Variants in OR7C1 observed in about 807,000 individuals in gnomAD.
The protein encoded by OR7C1 is olfactory receptor family 7 subfamily C member 1, also known as olfactory receptor 7C1.
For synonymous variants in OR7C1, 152 were observed against 160.7 expected (o/e 0.95, Z 0.41); for missense variants, 324 against 383.3 (o/e 0.85, Z 1.29).
chr19:14,800,768 G>C lies in OR7C1; in HGVS notation c.-434-4C>G, dbSNP rs1483973011. 1.3e-5 allele frequency: 2 copies of C among 152,210 alleles called. No homozygotes were observed. Among genetic ancestry groups the C allele is most frequent in the Non-Finnish European group, 2.9e-5 (2 of 68,078 alleles). The allele number at this position is 152,210 out of a possible 1,614,324, so 9.4% of individuals were successfully genotyped here. A position where few individuals can be genotyped will look rare whatever the true frequency, so the allele number is the denominator to read the frequency against. On this transcript the variant is annotated splice_polypyrimidine_tract_variant and splice_region_variant and intron_variant, in intron 2 of 4. Coordinates refer to ENST00000641666, the Ensembl canonical transcript of OR7C1. ...CAGACAAGATGGCGCAGATCAACTG[G>C]AAAGTCCAATTGCAAAGTAAGATTA...
At chr19:14,815,784 CGTGTGTGT>C (rs34655691) in intron 1 of OR7C1, among the ~76,000 whole-genome samples, 28 of 146,722 alleles carry the variant, frequency 1.9e-4, no homozygotes, top group South Asian at 1.1e-3. Context: ...TGAGTTTGTG[CGTGTGTGT>C]GTGTGTGTGT....
rs375884141 is a variant in OR7C1, at chr19:14,834,612, A to G, written c.-623+462T>C. 7.9e-5 allele frequency among the ~76,000 whole-genome samples: 12 copies of G among 152,346 alleles called. No individual in the cohort carries two copies. The East Asian group carries it at 1.5e-3, about 20-fold the overall frequency. ...ACGCATTATGAACTGCTGTTGCAAA[A>G]TGGTATTTGCAAGCAATCCGTTCAT... On this transcript the variant is annotated intron_variant, in intron 1 of 4. Coordinates refer to ENST00000641666, the Ensembl canonical transcript of OR7C1.
At chr19:14,802,922 C>T (rs1230656732) in intron 2 of OR7C1, among the ~76,000 whole-genome samples, 4 of 152,084 alleles carry the variant, frequency 2.6e-5, no homozygotes, top group African/African-American at 7.2e-5. Flanking sequence ...GAAAGGAGAA[C>T]GTGCCTGAGT....
At position 14,804,472 on chromosome 19, in the gene OR7C1, A is replaced by G. The variant is rs10426371; in HGVS notation, c.-434-3708T>C. On this transcript the variant is annotated intron_variant, in intron 2 of 4. Coordinates refer to ENST00000641666, the Ensembl canonical transcript of OR7C1. ...ATTTGATTTCCAGAGTCGCCACACT[A>G]TAATATTCAAAATATTTAGTTGTAA... Among the ~76,000 whole-genome samples, 487 of 150,294 alleles carry G rather than the reference A, an allele frequency of 3.2e-3. 13 individuals are homozygous for G. Among genetic ancestry groups the G allele is most frequent in the African/African-American group, 0.012 (462 of 39,722 alleles).
chr19:14,803,229 A>T (rs112461247), intron 2 of OR7C1, among the ~76,000 whole-genome samples: 30 of 149,590 alleles, frequency 2.0e-4, no homozygotes, highest in African/African-American at 7.2e-4. Flanking sequence ...GTCACTTGAA[A>T]CTGGGAGATG....
chr19:14,821,988 A>T (rs2145069396), intron 1 of OR7C1, among the ~76,000 whole-genome samples: 1 of 152,340 alleles, frequency 6.6e-6, no homozygotes, highest in Middle Eastern at 3.4e-3. Context: ...TTATCATTTA[A>T]TGTAATGTCC....
intron 1 of OR7C1, among the ~76,000 whole-genome samples, chr19:14,828,533 G>A (rs1219512972): frequency 6.6e-6 from 1 of 152,022 alleles, no homozygotes; most frequent in Non-Finnish European, 1.5e-5. Flanking sequence ...GGTCAAAGCA[G>A]GCGGATCACG....
chr19:14,799,102 A>G, exon 5 of OR7C1: 2 of 1,505,838 alleles, frequency 1.3e-6, no homozygotes, highest in East Asian at 4.5e-5. Context: ...CAGAACTAAA[A>G]GAGAATACAT....
At chr19:14,811,576 A>C (rs550328805) in intron 1 of OR7C1, among the ~76,000 whole-genome samples, 3 of 151,822 alleles carry the variant, frequency 2.0e-5, no homozygotes, top group Non-Finnish European at 4.4e-5. Flanking sequence ...ATGTGAGCTT[A>C]TCCTTTAGGG....
intron 1 of OR7C1, among the ~76,000 whole-genome samples, chr19:14,818,816 T>G (rs1333283670): frequency 6.6e-6 from 1 of 152,242 alleles, no homozygotes; most frequent in Non-Finnish European, 1.5e-5. Flanking sequence ...TGTTGCATTT[T>G]AGATAGTTTA....
intron 2 of OR7C1, among the ~76,000 whole-genome samples, chr19:14,806,996 C>T (rs1367328865): frequency 2.0e-5 from 3 of 151,924 alleles, no homozygotes; most frequent in Admixed American, 2.0e-4. Context: ...TATAGGTTAC[C>T]ACCAACAGTG....
At chr19:14,831,629 G>A (rs1458315818) in intron 1 of OR7C1, among the ~76,000 whole-genome samples, 2 of 152,024 alleles carry the variant, frequency 1.3e-5, no homozygotes, top group Non-Finnish European at 2.9e-5. Flanking sequence ...ATTTTTAGTA[G>A]AGATGGGGTT....
intron 1 of OR7C1, among the ~76,000 whole-genome samples, chr19:14,828,554 G>A (rs776343881): frequency 5.5e-4 from 84 of 151,896 alleles, no homozygotes; most frequent in Non-Finnish European, 9.4e-4. Flanking sequence ...AGGTCAAGAG[G>A]TTGAGACCAT....
At chr19:14,809,359 G>T (rs2044680344) in intron 2 of OR7C1, among the ~76,000 whole-genome samples, 1 of 152,058 alleles carries the variant, frequency 6.6e-6, no homozygotes, top group South Asian at 2.1e-4. Flanking sequence ...GTAAAGGAAG[G>T]TCAGATCCGG....
chr19:14,826,782 A>T (rs574148934), intron 1 of OR7C1: 1 of 152,578 alleles, frequency 6.6e-6, no homozygotes, highest in East Asian at 1.9e-4. Flanking sequence ...TGACAAAGAC[A>T]TGATGTCCTA....
intron 1 of OR7C1, among the ~76,000 whole-genome samples, chr19:14,833,383 G>T (rs1047055590): frequency 2.0e-5 from 3 of 152,242 alleles, no homozygotes; most frequent in Non-Finnish European, 4.4e-5. Flanking sequence ...GGAGGCTGAG[G>T]TGGGAGAATC....
chr19:14,827,404 C>T (rs775069458), intron 1 of OR7C1: 1 of 1,614,088 alleles, frequency 6.2e-7, no homozygotes, highest in Non-Finnish European at 8.5e-7. Flanking sequence ...GGGGTGACCA[C>T]AGTGTACATC....
At chr19:14,818,361 TG>T (rs1432741987) in intron 1 of OR7C1, among the ~76,000 whole-genome samples, 1 of 152,168 alleles carries the variant, frequency 6.6e-6, no homozygotes, top group Non-Finnish European at 1.5e-5. Flanking sequence ...CCCAAAGTGC[TG>T]GGATTACAGG....
At chr19:14,811,098 T>G (rs2044688890) in intron 1 of OR7C1, among the ~76,000 whole-genome samples, 1 of 151,934 alleles carries the variant, frequency 6.6e-6, no homozygotes, top group African/African-American at 2.4e-5. Context: ...AACTCTGCCA[T>G]TGCTGTGAAT....
Sources: allele counts gnomAD v4.1 joint callset (sites outside exome capture counted in the v4.1 genomes callset), GRCh38; gene constraint gnomAD v4.1.1; transcripts MANE v1.5; gene names NCBI Gene and HGNC (gene_info 2026-07-23, HGNC 2026-07-21).